ARHGAP10: variants seen among roughly 807,000 people sequenced by gnomAD.
ARHGAP10 encodes the protein Rho GTPase activating protein 10.
ARHGAP10 carries 87 observed loss-of-function variants against 108.6 expected under a neutral mutation model. That is an observed-to-expected ratio of 0.80 (90% CI 0.67 to 0.96). The LOEUF is 0.96. Ranked by LOEUF, ARHGAP10 falls within the 40% of genes least tolerant of loss-of-function variation. The pLI, the probability that ARHGAP10 is intolerant of heterozygous loss-of-function variation, is 0.00. For synonymous variants in ARHGAP10, 347 were observed against 341.1 expected (o/e 1.02, Z -0.19); for missense variants, 939 against 954.5 (o/e 0.98, Z 0.21).
At chr4:147,872,972 C>T in intron 7 of ARHGAP10, among the ~76,000 whole-genome samples, 1 of 151,568 alleles carries the variant, frequency 6.6e-6, no homozygotes, top group East Asian at 1.9e-4. Flanking sequence ...GATCTTGTCG[C>T]AGGAGTTGTA....
chr4:147,912,707 G>A (rs1421685221), intron 12 of ARHGAP10, among the ~76,000 whole-genome samples: 7 of 117,402 alleles, frequency 6.0e-5, no homozygotes, highest in Non-Finnish European at 1.1e-4. Flanking sequence ...CCAGTGCAGT[G>A]GTATGATCAT....
At chr4:148,037,085 T>G (rs1202662412) in intron 19 of ARHGAP10, among the ~76,000 whole-genome samples, 1 of 152,236 alleles carries the variant, frequency 6.6e-6, no homozygotes, top group Non-Finnish European at 1.5e-5. Context: ...ATGGTAACTT[T>G]GGGGATCTGG....
chr4:147,732,930 A>G (rs1578977765), intron 1 of ARHGAP10, among the ~76,000 whole-genome samples: 1 of 152,226 alleles, frequency 6.6e-6, no homozygotes, highest in Non-Finnish European at 1.5e-5. Context: ...TGAGTTTTCC[A>G]GAGTCCCCTT....
intron 7 of ARHGAP10, among the ~76,000 whole-genome samples, chr4:147,874,674 A>T (rs1347074954): frequency 6.6e-6 from 1 of 152,236 alleles, no homozygotes; most frequent in Non-Finnish European, 1.5e-5. Context: ...TAGCTATATT[A>T]AAACCTAACT....
chr4:147,838,842 G>A (rs1296749417), intron 3 of ARHGAP10, among the ~76,000 whole-genome samples: 1 of 152,180 alleles, frequency 6.6e-6, no homozygotes, highest in Non-Finnish European at 1.5e-5. Context: ...CTCTGGAATT[G>A]TAACTAAATA....
At chr4:148,060,861 C>T (rs1488381015) in intron 20 of ARHGAP10, among the ~76,000 whole-genome samples, 1 of 152,046 alleles carries the variant, frequency 6.6e-6, no homozygotes, top group African/African-American at 2.4e-5. Flanking sequence ...TAAATAGCAA[C>T]AGAAAGATCA....
chr4:147,761,374 CTCCTTTT>C (rs1398264762), intron 1 of ARHGAP10, among the ~76,000 whole-genome samples: 3 of 152,176 alleles, frequency 2.0e-5, no homozygotes, highest in African/African-American at 7.2e-5. Context: ...CTAGGTTTTT[CTCCTTTT>C]AGTAGTAATC....
chr4:148,027,837 G>A (rs1044257698), intron 19 of ARHGAP10, among the ~76,000 whole-genome samples: 9 of 152,072 alleles, frequency 5.9e-5, no homozygotes, highest in African/African-American at 1.4e-4. Flanking sequence ...GCCACTGTGC[G>A]GTCTTTTTAA....
intron 8 of ARHGAP10, 52 bp downstream of exon 8, chr4:147,875,202 T>A (rs1735009609): frequency 6.7e-7 from 1 of 1,495,586 alleles, no homozygotes; most frequent in Non-Finnish European, 8.9e-7. Context: ...TGCAAATTAT[T>A]GAAAACTCTG....
intron 18 of ARHGAP10, among the ~76,000 whole-genome samples, chr4:148,017,083 AC>A (rs753721532): frequency 1.3e-5 from 2 of 151,534 alleles, no homozygotes; most frequent in African/African-American, 2.4e-5. Context: ...TTTTATGGAG[AC>A]TTCATTGGAT....
intron 1 of ARHGAP10, among the ~76,000 whole-genome samples, chr4:147,783,717 TA>T (rs1730667260): frequency 6.8e-6 from 1 of 146,656 alleles, no homozygotes; most frequent in African/African-American, 2.5e-5. Flanking sequence ...GTATAATTTA[TA>T]GAACACATTA....
At chr4:147,835,393 C>A (rs1271789165) in intron 3 of ARHGAP10, among the ~76,000 whole-genome samples, 1 of 151,522 alleles carries the variant, frequency 6.6e-6, no homozygotes. Context: ...TTTCCTTTTC[C>A]CTTAAGTCTT....
At chr4:147,922,888 T>C (rs1265739297) in intron 13 of ARHGAP10, among the ~76,000 whole-genome samples, 2 of 152,224 alleles carry the variant, frequency 1.3e-5, no homozygotes, top group Admixed American at 6.5e-5. Flanking sequence ...TTTTAAGTTA[T>C]ATTTCCTATG....
rs1730768752 is a variant in ARHGAP10, at chr4:147,784,732, ATATATATTATAAATATATATTATAAAATG to A, written c.155-37989_155-37961del. 1.6e-4 allele frequency among the ~76,000 whole-genome samples: 5 copies of A among 30,550 alleles called. 1 individual carries two copies. In the East Asian group the frequency reaches 7.8e-3, roughly 47 times the overall value. The allele number at this position is 30,550 out of a possible 152,430, so 20.0% of individuals were successfully genotyped here. A position where few individuals can be genotyped will look rare whatever the true frequency, so the allele number is the denominator to read the frequency against. ...TATTATAAATATAATATATTATAAA[ATATATATTATAAATATATATTATAAAATG>A]TATATTATAAATATAATATATTATA... On this transcript the variant is annotated intron_variant, in intron 1 of 22. Transcript: ENST00000336498.
intron 20 of ARHGAP10, among the ~76,000 whole-genome samples, chr4:148,049,699 A>G (rs1729039273): frequency 6.6e-6 from 1 of 151,984 alleles, no homozygotes; most frequent in Non-Finnish European, 1.5e-5. Context: ...GTGTTCTTTA[A>G]TATTTGCCTT....
intron 1 of ARHGAP10, among the ~76,000 whole-genome samples, chr4:147,752,375 C>A (rs1024753478): frequency 6.6e-6 from 1 of 152,042 alleles, no homozygotes; most frequent in Non-Finnish European, 1.5e-5. Flanking sequence ...GAAAGGAAGT[C>A]ATTTTCATAT....
intron 15 of ARHGAP10, among the ~76,000 whole-genome samples, chr4:147,954,601 C>G (rs565151315): frequency 2.0e-5 from 3 of 152,010 alleles, no homozygotes; most frequent in South Asian, 4.1e-4. Flanking sequence ...AGATTACCCT[C>G]CAGAAAGGCT....
intron 1 of ARHGAP10, among the ~76,000 whole-genome samples, chr4:147,746,099 CTTAT>C (rs1285877831): frequency 2.7e-5 from 4 of 147,230 alleles, no homozygotes; most frequent in Non-Finnish European, 4.5e-5. Flanking sequence ...CAAAGTGCTT[CTTAT>C]TTATTTATTT....
chr4:147,958,951 C>T (rs1384554536), intron 16 of ARHGAP10, among the ~76,000 whole-genome samples: 1 of 151,896 alleles, frequency 6.6e-6, no homozygotes, highest in Non-Finnish European at 1.5e-5. Context: ...ACAGTAAGCT[C>T]CTAATTCCCT....
Sources: gnomAD v4.1 joint callset for allele counts (sites outside exome capture counted in the v4.1 genomes callset) on GRCh38, gnomAD v4.1.1 for gene constraint, MANE v1.5 for transcripts, NCBI Gene and HGNC (gene_info 2026-07-23, HGNC 2026-07-21) for gene names.